Variants in EPHA6 observed in about 807,000 individuals in gnomAD.
EPHA6 encodes EPH receptor A6.
Under a neutral mutation model 112.0 loss-of-function variants are expected in EPHA6, and 50 were observed. The ratio of observed to expected loss-of-function variants is 0.45; its 90% CI spans 0.36 to 0.56. EPHA6 has a LOEUF of 0.56. Ranked by LOEUF, EPHA6 falls within the 20% of genes least tolerant of loss-of-function variation. EPHA6 has a pLI of 0.00. For missense variants in EPHA6, 1,280 were observed against 1,417.4 expected, an observed-to-expected ratio of 0.90 and a Z score of 1.56; for synonymous variants, 529 against 490.7, an observed-to-expected ratio of 1.08 and a Z score of -1.03.
intron 5 of EPHA6, among the ~76,000 whole-genome samples, chr3:97,294,838 C>T (rs1039074436): frequency 1.3e-5 from 2 of 152,106 alleles, no homozygotes; most frequent in African/African-American, 4.8e-5. Flanking sequence ...AACTTTATTT[C>T]TCCTTCATTT....
intron 3 of EPHA6, among the ~76,000 whole-genome samples, chr3:97,168,366 T>C (rs975204232): frequency 6.6e-6 from 1 of 152,090 alleles, no homozygotes; most frequent in Non-Finnish European, 1.5e-5. Flanking sequence ...TGGGGCCTGG[T>C]GGGAGGTGAT....
In EPHA6 at chr3:97,244,298, C is replaced by T. The variant is rs779311285; in HGVS notation, c.1606+11C>T. Reference sequence around the variant, plus strand: ...CCACGGATCAAGATGGTAAGTTCCACTGCTGTTCTCTCAAAACAGACCCAT... The same window carrying T: ...CCACGGATCAAGATGGTAAGTTCCATTGCTGTTCTCTCAAAACAGACCCAT... On this transcript the variant is annotated intron_variant, in intron 5 of 17. Transcript: ENST00000389672. The T allele has an allele frequency of 2.5e-6, 4 of 1,609,596 alleles. No homozygotes were observed. In the South Asian group the frequency reaches 4.4e-5, roughly 18 times the overall value.
intron 1 of EPHA6, among the ~76,000 whole-genome samples, chr3:96,840,066 G>A (rs1383105723): frequency 6.6e-6 from 1 of 152,032 alleles, no homozygotes; most frequent in Non-Finnish European, 1.5e-5. Flanking sequence ...ACATGTGCTG[G>A]CTGATAAGTG....
At chr3:97,126,312 G>A (rs2108315202) in intron 3 of EPHA6, among the ~76,000 whole-genome samples, 1 of 152,252 alleles carries the variant, frequency 6.6e-6, no homozygotes, top group African/African-American at 2.4e-5. Flanking sequence ...GCAGCTTGGA[G>A]CACAGCCCAG....
chr3:97,004,589 T>A (rs956512321), intron 3 of EPHA6, among the ~76,000 whole-genome samples: 1 of 152,186 alleles, frequency 6.6e-6, no homozygotes, highest in African/African-American at 2.4e-5. Context: ...ATTCTGTAGG[T>A]TTCCCATTCA....
chr3:96,845,042 A>G (rs1224440809), intron 1 of EPHA6, among the ~76,000 whole-genome samples: 2 of 152,052 alleles, frequency 1.3e-5, no homozygotes, highest in Non-Finnish European at 2.9e-5. Flanking sequence ...TGTCATGTTC[A>G]CTACTATTTT....
At chr3:97,212,297 G>A (rs907573021) in intron 3 of EPHA6, among the ~76,000 whole-genome samples, 1 of 152,078 alleles carries the variant, frequency 6.6e-6, no homozygotes, top group Non-Finnish European at 1.5e-5. Context: ...ATTAAGTATG[G>A]TTGACTAAAA....
At chr3:97,178,094 T>C (rs1337216395) in intron 3 of EPHA6, among the ~76,000 whole-genome samples, 1 of 152,082 alleles carries the variant, frequency 6.6e-6, no homozygotes, top group Non-Finnish European at 1.5e-5. Flanking sequence ...CTTAGTTTCC[T>C]GCTTTTTGTT....
At chr3:97,410,445 A>G (rs1466240710) in intron 6 of EPHA6, among the ~76,000 whole-genome samples, 1 of 152,044 alleles carries the variant, frequency 6.6e-6, no homozygotes. Flanking sequence ...AGAGAATTTT[A>G]TCTTTACTTC....
intron 2 of EPHA6, among the ~76,000 whole-genome samples, chr3:96,985,864 T>G (rs1375332850): frequency 6.6e-6 from 1 of 152,164 alleles, no homozygotes; most frequent in African/African-American, 2.4e-5. Flanking sequence ...CTAGTGAAAC[T>G]CAACCAGCCT....
chr3:96,886,051 T>G (rs1010565529), intron 2 of EPHA6, among the ~76,000 whole-genome samples: 1 of 152,182 alleles, frequency 6.6e-6, no homozygotes, highest in Non-Finnish European at 1.5e-5. Flanking sequence ...CCTCTTGGAG[T>G]TGATTTCCAG....
intron 7 of EPHA6, among the ~76,000 whole-genome samples, chr3:97,462,382 A>C (rs1345338893): frequency 6.6e-6 from 1 of 152,096 alleles, no homozygotes; most frequent in East Asian, 1.9e-4. Context: ...CCCCTACGTA[A>C]AGAAAAAAGG....
chr3:97,636,101 C>T (rs987706758), intron 13 of EPHA6, among the ~76,000 whole-genome samples: 1 of 152,076 alleles, frequency 6.6e-6, no homozygotes, highest in African/African-American at 2.4e-5. Flanking sequence ...AGTTAGATGA[C>T]TCTATTCTCA....
chr3:96,870,299 C>T (rs927416014), intron 2 of EPHA6, among the ~76,000 whole-genome samples: 13 of 151,976 alleles, frequency 8.6e-5, no homozygotes, highest in African/African-American at 3.1e-4. Flanking sequence ...TGGGTACTGA[C>T]ATCAGTTCCC....
At chr3:97,265,010 CT>C (rs2079626543) in intron 5 of EPHA6, among the ~76,000 whole-genome samples, 1 of 152,234 alleles carries the variant, frequency 6.6e-6, no homozygotes, top group Non-Finnish European at 1.5e-5. Context: ...GGTAGCTCCT[CT>C]TTGCAGCTGG....
chr3:97,106,523 C>G (rs1470930030), intron 3 of EPHA6, among the ~76,000 whole-genome samples: 1 of 152,130 alleles, frequency 6.6e-6, no homozygotes. Context: ...CTCCATCCCC[C>G]TTCTGGCTTC....
In EPHA6 at chr3:97,688,702, A is replaced by G. The variant is rs142356546; in HGVS notation, c.2785-31559A>G. Among the ~76,000 whole-genome samples the G allele has an allele frequency of 3.0e-3, 456 of 151,574 alleles. 2 individuals carry two copies. The highest frequency in any genetic ancestry group is 0.01 in the African/African-American group (423 of 41,100). On this transcript the variant is annotated intron_variant, in intron 14 of 17. Transcript: ENST00000389672. ...AACAAACTGCACCTTGTGCACATGT[A>G]CCCTAGAACTTAAAGTATAATAAAA... is the stretch of plus-strand genomic sequence containing the variant.
intron 5 of EPHA6, among the ~76,000 whole-genome samples, chr3:97,334,596 C>T (rs1382052378): frequency 6.6e-6 from 1 of 151,006 alleles, no homozygotes; most frequent in African/African-American, 2.4e-5. Flanking sequence ...TCTCTCACTT[C>T]AGCCTCTCAA....
intron 11 of EPHA6, among the ~76,000 whole-genome samples, chr3:97,550,125 C>A (rs1400610908): frequency 1.3e-5 from 2 of 152,164 alleles, no homozygotes; most frequent in Non-Finnish European, 2.9e-5. Flanking sequence ...CAAGTCAATT[C>A]CAGGTTTCAA....
Sources: gnomAD v4.1 joint callset for allele counts (sites outside exome capture counted in the v4.1 genomes callset) on GRCh38, gnomAD v4.1.1 for gene constraint, MANE v1.5 for transcripts, NCBI Gene and HGNC (gene_info 2026-07-23, HGNC 2026-07-21) for gene names.